The following TRPS1 variants were observed in gnomAD, a reference collection of about 807,000 sequenced individuals.
TRPS1 encodes zinc finger transcription factor Trps1.
Under a neutral mutation model 101.2 loss-of-function variants are expected in TRPS1, and 6 were observed. The observed-to-expected ratio is 0.06, with a 90% CI of 0.03 to 0.12. TRPS1 has a LOEUF of 0.12. Among genes scored for constraint, TRPS1 ranks in the 10% least tolerant of loss-of-function variants. TRPS1 has a pLI of 1.00. For synonymous variants in TRPS1, 578 were observed against 589.8 expected (o/e 0.98, Z 0.29); for missense variants, 1,363 against 1,567.0 (o/e 0.87, Z 2.20).
At chr8:115,630,374 TAC>T (rs774164823) in intron 1 of TRPS1, among the ~76,000 whole-genome samples, 1 of 151,390 alleles carries the variant, frequency 6.6e-6, no homozygotes, top group Non-Finnish European at 1.5e-5. Context: ...CACAGAGCCA[TAC>T]ACACACACAC....
intron 5 of TRPS1, among the ~76,000 whole-genome samples, chr8:115,552,337 C>G (rs1350880217): frequency 6.6e-6 from 1 of 152,044 alleles, no homozygotes; most frequent in East Asian, 1.9e-4. Context: ...ACTTTACAAT[C>G]TAAAAATGCT....
At chr8:115,478,195 C>A (rs1047331332) in intron 5 of TRPS1, among the ~76,000 whole-genome samples, 1 of 152,168 alleles carries the variant, frequency 6.6e-6, no homozygotes, top group Admixed American at 6.5e-5. Context: ...TACACCTATG[C>A]AATGTGATAT....
chr8:115,501,612 T>A (rs150940318), intron 5 of TRPS1, among the ~76,000 whole-genome samples: 6 of 152,306 alleles, frequency 3.9e-5, no homozygotes, highest in African/African-American at 1.4e-4. Context: ...AATAAAATCA[T>A]TATCACTATA....
chr8:115,566,012 AT>A (rs1563608285), intron 5 of TRPS1, among the ~76,000 whole-genome samples: 1 of 152,170 alleles, frequency 6.6e-6, no homozygotes, highest in Non-Finnish European at 1.5e-5. Flanking sequence ...CATGTAAGTT[AT>A]CCTCATACCA....
intron 3 of TRPS1, among the ~76,000 whole-genome samples, chr8:115,617,373 A>G (rs1255055853): frequency 6.6e-6 from 1 of 152,192 alleles, no homozygotes; most frequent in Non-Finnish European, 1.5e-5. Context: ...TTCTAAAATC[A>G]CTGCCCAGGA....
chr8:115,626,277 T>C (rs1203063974), intron 1 of TRPS1, among the ~76,000 whole-genome samples: 2 of 151,338 alleles, frequency 1.3e-5, no homozygotes, highest in African/African-American at 4.8e-5. Flanking sequence ...TGTTTGCTCA[T>C]TGGTTTAGGG....
chr8:115,663,363 C>CT (rs777404971), intron 1 of TRPS1, among the ~76,000 whole-genome samples: 215 of 151,244 alleles, frequency 1.4e-3, no homozygotes, highest in Non-Finnish European at 2.5e-3. Context: ...TTTGGCATTA[C>CT]GTCAGTTGGT....
chr8:115,508,472 C>A (rs117970705), intron 5 of TRPS1, among the ~76,000 whole-genome samples: 1,659 of 152,128 alleles, frequency 0.011, 15 homozygotes, highest in Non-Finnish European at 0.014. Context: ...CAGTAAATTT[C>A]TCTAATGCTC....
intron 5 of TRPS1, among the ~76,000 whole-genome samples, chr8:115,512,197 A>G (rs1815602921): frequency 6.6e-6 from 1 of 151,778 alleles, no homozygotes; most frequent in African/African-American, 2.4e-5. Context: ...ACAATTTTTT[A>G]AAAGCCTAAA....
At chr8:115,550,433 G>C (rs1328621817) in intron 5 of TRPS1, among the ~76,000 whole-genome samples, 1 of 152,154 alleles carries the variant, frequency 6.6e-6, no homozygotes, top group Non-Finnish European at 1.5e-5. Context: ...TGAAGTTCAG[G>C]AGCCTTATCT....
intron 5 of TRPS1, among the ~76,000 whole-genome samples, chr8:115,574,516 A>G (rs1167386781): frequency 6.6e-6 from 1 of 152,174 alleles, no homozygotes; most frequent in Non-Finnish European, 1.5e-5. Context: ...GAGACAGGAC[A>G]TAGAATAGTT....
At chr8:115,424,011 T>C (rs1169013926) in intron 5 of TRPS1, among the ~76,000 whole-genome samples, 2 of 152,212 alleles carry the variant, frequency 1.3e-5, no homozygotes, top group East Asian at 1.9e-4. Flanking sequence ...TTTACAGACA[T>C]GGATATTCAT....
chr8:115,427,611 C>A (rs1425175161), intron 5 of TRPS1, among the ~76,000 whole-genome samples: 1 of 152,068 alleles, frequency 6.6e-6, no homozygotes, highest in African/African-American at 2.4e-5. Context: ...TGTTTCAGGC[C>A]TTATTACTAA....
rs1040216738 is a variant in TRPS1 at position 115,519,332 on chromosome 8, G to A, written c.2700+67669C>T. Among the ~76,000 whole-genome samples the A allele has an allele frequency of 4.6e-5, 7 of 151,646 alleles. No homozygotes were observed. In the East Asian group the frequency reaches 1.4e-3, roughly 29 times the overall value. On this transcript the variant is annotated intron_variant, in intron 5 of 6. Transcript: ENST00000395715. Reference sequence around the variant, plus strand: ...GGATTTACCAGCATAACTTCTCATTGTAGTCATCTTTTAAACTTAAATTTT... The same window carrying A: ...GGATTTACCAGCATAACTTCTCATTATAGTCATCTTTTAAACTTAAATTTT...
chr8:115,559,878 C>G (rs556267304), intron 5 of TRPS1, among the ~76,000 whole-genome samples: 1 of 152,050 alleles, frequency 6.6e-6, no homozygotes, highest in South Asian at 2.1e-4. Flanking sequence ...GATGAACTGG[C>G]CTTTTAAGTC....
chr8:115,589,098 G>T (rs754483799), intron 4 of TRPS1, among the ~76,000 whole-genome samples: 7 of 152,184 alleles, frequency 4.6e-5, no homozygotes, highest in Non-Finnish European at 7.3e-5. Context: ...TGGAGGATGA[G>T]GAAGGGGAAA....
At chr8:115,488,594 GA>G (rs1380803993) in intron 5 of TRPS1, among the ~76,000 whole-genome samples, 5 of 152,128 alleles carry the variant, frequency 3.3e-5, no homozygotes, top group Admixed American at 3.3e-4. Context: ...AGAATTACTT[GA>G]ATCCAGGAGG....
At chr8:115,440,330 A>C (rs1194216663) in intron 5 of TRPS1, among the ~76,000 whole-genome samples, 1 of 152,220 alleles carries the variant, frequency 6.6e-6, no homozygotes, top group African/African-American at 2.4e-5. Context: ...GCCAATAGGA[A>C]GACCGACTGG....
At chr8:115,568,455 T>C (rs1817121215) in intron 5 of TRPS1, among the ~76,000 whole-genome samples, 1 of 152,044 alleles carries the variant, frequency 6.6e-6, no homozygotes, top group South Asian at 2.1e-4. Flanking sequence ...CTTTCTAATT[T>C]CCCCAAAGTT....
Sources: allele counts gnomAD v4.1 joint callset (sites outside exome capture counted in the v4.1 genomes callset), GRCh38; gene constraint gnomAD v4.1.1; transcripts MANE v1.5; gene names NCBI Gene and HGNC (gene_info 2026-07-23, HGNC 2026-07-21).